Variants in SH3KBP1 observed in about 807,000 individuals in gnomAD.
SH3KBP1 encodes the protein SH3 domain-containing kinase-binding protein 1.
In SH3KBP1, 8 loss-of-function variants were observed where a neutral mutation model predicts 50.1. The observed-to-expected ratio is 0.16, with a 90% CI of 0.09 to 0.29. SH3KBP1 has a LOEUF of 0.29. Ranked by LOEUF, SH3KBP1 falls within the 10% of genes least tolerant of loss-of-function variation. SH3KBP1 has a pLI of 1.00. For missense variants in SH3KBP1, 377 were observed against 535.2 expected, an observed-to-expected ratio of 0.70 and a Z score of 2.92; for synonymous variants, 227 against 218.6, an observed-to-expected ratio of 1.04 and a Z score of -0.34.
chrX:19,542,187 C>A lies in SH3KBP1; in HGVS notation c.1630G>T (p.Asp544Tyr). ...TTGGGCGGCAGGGATGCTTTGTTGT[C>A]AGACACCTGTGACGAGGGAAGGCAG... Reference protein sequence around the residue: ...SKTVTISQVSDNKASLPPKPG... With the variant: ...SKTVTISQVSYNKASLPPKPG... The change falls in exon 16 of 18, where the codon GAC becomes TAC. Residue 544 changes from aspartate to tyrosine, a missense_variant. Asp to Tyr is a radical substitution (Grantham distance 160). This residue lies in a region of SH3KBP1 where 110 missense variants were observed against 124.1 expected (regional missense o/e 0.89). Transcript: ENST00000397821. 8.5e-7 allele frequency: 1 copy of A among 1,175,482 alleles called. No individual in the cohort carries two copies.
chrX:19,545,838 T>G lies in SH3KBP1; in HGVS notation c.1623+84A>C, dbSNP rs945169935. ...GAAGAATGACAAACACCTGCACTGT[T>G]TGTGTATCTTTGTTTGGTTTATAAC... On this transcript the variant is annotated intron_variant, in intron 15 of 17. Coordinates refer to ENST00000397821, the MANE Select transcript of SH3KBP1 (RefSeq NM_031892.3). 1.5e-5 allele frequency: 16 copies of G among 1,039,080 alleles called. No individual in the cohort carries two copies. The Admixed American group carries it at 3.6e-4, about 23-fold the overall frequency. The allele number at this position is 1,039,080 out of a possible 1,213,427, so 85.6% of individuals were successfully genotyped here.
intron 6 of SH3KBP1, among the ~76,000 whole-genome samples, chrX:19,669,101 C>T (rs1178532399): frequency 1.0e-5 from 1 of 97,532 alleles, no homozygotes; most frequent in Non-Finnish European, 2.0e-5. Context: ...TAGCTGGGGA[C>T]TACAGGTGTG....
intron 7 of SH3KBP1, among the ~76,000 whole-genome samples, chrX:19,642,521 A>C (rs2061883319): frequency 8.9e-6 from 1 of 111,962 alleles, no homozygotes; most frequent in South Asian, 3.7e-4. Context: ...TCTGTCAAGG[A>C]TTTTTCCCCC....
At chrX:19,562,562 C>G (rs1287170840) in intron 13 of SH3KBP1, among the ~76,000 whole-genome samples, 2 of 111,628 alleles carry the variant, frequency 1.8e-5, no homozygotes, top group South Asian at 3.8e-4. Context: ...TAGGTACACC[C>G]AGTACCTCCA....
intron 7 of SH3KBP1, among the ~76,000 whole-genome samples, chrX:19,634,454 C>A (rs900538179): frequency 9.0e-6 from 1 of 111,727 alleles, no homozygotes; most frequent in East Asian, 2.8e-4. Context: ...AGGCATTAGA[C>A]ACAGAATTAT....
chrX:19,874,866 G>A (rs1359390437), intron 1 of SH3KBP1, among the ~76,000 whole-genome samples: 1 of 106,321 alleles, frequency 9.4e-6, no homozygotes, highest in Non-Finnish European at 1.9e-5. Context: ...GATGGATCTG[G>A]ATGAGAGAAA....
At chrX:19,620,225 T>C (rs2067764566) in intron 8 of SH3KBP1, among the ~76,000 whole-genome samples, 1 of 112,074 alleles carries the variant, frequency 8.9e-6, no homozygotes, top group East Asian at 2.8e-4. Flanking sequence ...TTCTAAGAGA[T>C]ACAAAGAAAG....
intron 12 of SH3KBP1, among the ~76,000 whole-genome samples, chrX:19,571,439 C>T (rs1233550064): frequency 2.7e-5 from 3 of 112,119 alleles, no homozygotes; most frequent in East Asian, 2.8e-4. Flanking sequence ...AGACTGATCC[C>T]GAGCCAACAG....
intron 12 of SH3KBP1, among the ~76,000 whole-genome samples, chrX:19,587,604 T>C (rs966975877): frequency 3.6e-5 from 4 of 112,297 alleles, no homozygotes; most frequent in Non-Finnish European, 7.5e-5. Context: ...GAAAATAATG[T>C]TGATTTGCAT....
chrX:19,574,568 C>T (rs751754779), intron 12 of SH3KBP1, among the ~76,000 whole-genome samples: 11 of 112,403 alleles, frequency 9.8e-5, no homozygotes, highest in Non-Finnish European at 1.3e-4. Context: ...TGTGCCCTCA[C>T]GTGGTGGAAG....
chrX:19,752,624 C>T (rs1157616273), intron 2 of SH3KBP1, among the ~76,000 whole-genome samples: 1 of 111,687 alleles, frequency 9.0e-6, no homozygotes. Context: ...TGTCCTATAA[C>T]GAGGTCTGGG....
intron 8 of SH3KBP1, among the ~76,000 whole-genome samples, chrX:19,624,397 C>T (rs2067948869): frequency 9.0e-6 from 1 of 111,471 alleles, no homozygotes; most frequent in African/African-American, 3.3e-5. Flanking sequence ...TTAGGTTGAA[C>T]AAACACAGGA....
chrX:19,623,462 G>A (rs911836128), intron 8 of SH3KBP1, among the ~76,000 whole-genome samples: 7 of 112,138 alleles, frequency 6.2e-5, no homozygotes, highest in Admixed American at 9.4e-5. Flanking sequence ...CAGGCGGGCG[G>A]ATCACCCGAG....
At chrX:19,818,293 C>G (rs887478438) in intron 2 of SH3KBP1, among the ~76,000 whole-genome samples, 2 of 112,281 alleles carry the variant, frequency 1.8e-5, no homozygotes, top group African/African-American at 6.5e-5. Flanking sequence ...ATCCTGTGAC[C>G]TTACTGCACT....
At chrX:19,806,813 A>G (rs1033225030) in intron 2 of SH3KBP1, among the ~76,000 whole-genome samples, 1 of 112,298 alleles carries the variant, frequency 8.9e-6, no homozygotes, top group African/African-American at 3.2e-5. Context: ...TCAGCAGCCA[A>G]TGTTTTCACA....
At chrX:19,623,649 A>G (rs900703504) in intron 8 of SH3KBP1, among the ~76,000 whole-genome samples, 2 of 112,344 alleles carry the variant, frequency 1.8e-5, no homozygotes, top group African/African-American at 6.5e-5. Context: ...ACGCCATTGC[A>G]CTCCAGCCTG....
At chrX:19,842,297 G>A (rs1281176159) in intron 1 of SH3KBP1, among the ~76,000 whole-genome samples, 3 of 112,376 alleles carry the variant, frequency 2.7e-5, no homozygotes, top group South Asian at 3.6e-4. Flanking sequence ...GGAGGCCGAG[G>A]CGGGCAGATC....
chrX:19,730,281 G>A (rs1017532410), intron 3 of SH3KBP1, among the ~76,000 whole-genome samples: 1 of 111,708 alleles, frequency 9.0e-6, no homozygotes, highest in Non-Finnish European at 1.9e-5. Context: ...TTTAAGACCA[G>A]CCTGGGCAAC....
intron 8 of SH3KBP1, among the ~76,000 whole-genome samples, chrX:19,614,309 G>A (rs746029965): frequency 1.8e-5 from 2 of 112,956 alleles, no homozygotes; most frequent in Non-Finnish European, 3.7e-5. Flanking sequence ...CAACCTGTGG[G>A]CACAGAGAGG....
Sources: gnomAD v4.1 joint callset for allele counts (sites outside exome capture counted in the v4.1 genomes callset) on GRCh38, gnomAD v4.1.1 for gene constraint, gnomAD v4.1.1 regional missense constraint, MANE v1.5 for transcripts, NCBI Gene and HGNC (gene_info 2026-07-23, HGNC 2026-07-21) for gene names.